The following DCP1A variants were observed in gnomAD, a reference collection of about 807,000 sequenced individuals.
The protein encoded by DCP1A is mRNA-decapping enzyme 1A.
In DCP1A, 20 loss-of-function variants were observed where a neutral mutation model predicts 58.0. The ratio of observed to expected loss-of-function variants is 0.34; its 90% CI spans 0.24 to 0.50. The LOEUF (loss-of-function observed/expected upper bound fraction) is 0.50. Among genes scored for constraint, DCP1A ranks in the 20% least tolerant of loss-of-function variants. The pLI, the probability that DCP1A is intolerant of heterozygous loss-of-function variation, is 0.98. For synonymous variants in DCP1A, 285 were observed against 275.1 expected (o/e 1.04, Z -0.36); for missense variants, 613 against 712.2 (o/e 0.86, Z 1.59).
In DCP1A at chr3:53,347,478, C is replaced by T. The variant is rs1363231091; in HGVS notation, c.40G>A (p.Ala14Thr). 1.2e-6 allele frequency: 2 copies of T among 1,613,448 alleles called. No individual in the cohort carries two copies. Among genetic ancestry groups the T allele is most frequent in the Non-Finnish European group, 1.7e-6 (2 of 1,179,654 alleles). ...TAGGGGTCGTGTTGCTTCAGGGCCG[C>T]TAGGCTCATCTCCTGCCCAGCTCGA... Reference protein sequence around the residue: ...LSRAGQEMSLAALKQHDPYIT... With the variant: ...LSRAGQEMSLTALKQHDPYIT... Residue 14 changes from alanine (A) to threonine (T), a missense_variant, in exon 1 of 10, where the codon GCG (alanine) becomes ACG (threonine). Physicochemically the swap from Ala to Thr is moderately conservative, Grantham distance 58 (BLOSUM62 0). Coordinates refer to ENST00000610213, the MANE Select transcript of DCP1A (RefSeq NM_018403.7).
intron 3 of DCP1A, among the ~76,000 whole-genome samples, chr3:53,331,854 A>G (rs782056351): frequency 1.3e-5 from 2 of 152,228 alleles, no homozygotes; most frequent in African/African-American, 2.4e-5. Context: ...AAGACCTCTG[A>G]CACTGGTCTT....
intron 6 of DCP1A, among the ~76,000 whole-genome samples, chr3:53,298,495 T>C (rs782719936): frequency 1.2e-4 from 18 of 152,220 alleles, no homozygotes; most frequent in Non-Finnish European, 2.6e-4. Flanking sequence ...GGAGGCGATA[T>C]GCTAAGCACT....
At chr3:53,335,476 A>G (rs2089097376) in intron 3 of DCP1A, among the ~76,000 whole-genome samples, 1 of 152,114 alleles carries the variant, frequency 6.6e-6, no homozygotes, top group Non-Finnish European at 1.5e-5. Context: ...AGCTCATTCT[A>G]TTGTTTAAAT....
chr3:53,317,349 C>T (rs1444708186), intron 4 of DCP1A, among the ~76,000 whole-genome samples: 1 of 152,112 alleles, frequency 6.6e-6, no homozygotes, highest in Non-Finnish European at 1.5e-5. Context: ...GTTTTTAGTA[C>T]AGACAGGGTT....
At chr3:53,316,463 A>G (rs1553689255) in intron 4 of DCP1A, among the ~76,000 whole-genome samples, 1 of 151,784 alleles carries the variant, frequency 6.6e-6, no homozygotes, top group African/African-American at 2.4e-5. Flanking sequence ...GGATCTCACT[A>G]TGTTGCCCAG....
chr3:53,288,292 T>C lies in DCP1A; in HGVS notation c.1450-9A>G, dbSNP rs782354513. The C allele has an allele frequency of 1.9e-6, 3 of 1,597,012 alleles. No homozygotes were observed. Among genetic ancestry groups the C allele is most frequent in the African/African-American group, 1.3e-5 (1 of 74,492 alleles). ...AGTGGGGCGCCTGCAACCTGGAGAG[T>C]GACAATGGTCATTTTGTACCGAAGT... On this transcript the variant is annotated splice_polypyrimidine_tract_variant and intron_variant, in intron 8 of 9. Coordinates refer to ENST00000610213, the MANE Select transcript of DCP1A (RefSeq NM_018403.7).
chr3:53,322,449 C>G (rs1309461089), intron 3 of DCP1A, among the ~76,000 whole-genome samples: 1 of 148,406 alleles, frequency 6.7e-6, no homozygotes, highest in Non-Finnish European at 1.5e-5. Context: ...GAAACTCTGT[C>G]TCAGAAAAAA....
At chr3:53,297,259 T>C (rs935592256) in intron 6 of DCP1A, among the ~76,000 whole-genome samples, 1 of 152,226 alleles carries the variant, frequency 6.6e-6, no homozygotes, top group African/African-American at 2.4e-5. Flanking sequence ...TTACCCAGTT[T>C]TGAATTGGGT....
intron 3 of DCP1A, among the ~76,000 whole-genome samples, chr3:53,320,735 G>A (rs1397122391): frequency 6.6e-6 from 1 of 152,124 alleles, no homozygotes; most frequent in Non-Finnish European, 1.5e-5. Context: ...TGGCCACCAG[G>A]ATACCTGGTG....
intron 1 of DCP1A, 95 bp downstream of exon 1, chr3:53,347,286 CCT>C (rs1553693246): frequency 7.3e-7 from 1 of 1,361,010 alleles, no homozygotes; most frequent in African/African-American, 1.5e-5. Flanking sequence ...ACCGCCCTGG[CCT>C]CTTAGTGTGC....
chr3:53,345,103 A>G (rs1048887831), intron 1 of DCP1A, among the ~76,000 whole-genome samples, 161 bp from the exon 2 acceptor site: 2 of 152,170 alleles, frequency 1.3e-5, no homozygotes, highest in African/African-American at 2.4e-5. Flanking sequence ...CTCATTCCAC[A>G]AATTGTGGTT....
At chr3:53,302,887 T>C (rs772996795) in intron 6 of DCP1A, among the ~76,000 whole-genome samples, 7 of 150,340 alleles carry the variant, frequency 4.7e-5, no homozygotes, top group Non-Finnish European at 8.9e-5. Context: ...CCTCCTGAAG[T>C]GCTGGGATTA....
chr3:53,309,369 CAA>C (rs79989110), intron 5 of DCP1A, among the ~76,000 whole-genome samples: 58 of 94,640 alleles, frequency 6.1e-4, no homozygotes, highest in Admixed American at 1.3e-3. Context: ...GACTCCATCT[CAA>C]AAAAAAAAAA....
chr3:53,325,177 C>A (rs1367380775), intron 3 of DCP1A, among the ~76,000 whole-genome samples: 1 of 152,138 alleles, frequency 6.6e-6, no homozygotes, highest in Non-Finnish European at 1.5e-5. Flanking sequence ...CACTGTTTCT[C>A]ATCTTGAGAG....
At chr3:53,321,453 C>T (rs1236115514) in intron 3 of DCP1A, among the ~76,000 whole-genome samples, 1 of 152,238 alleles carries the variant, frequency 6.6e-6, no homozygotes, top group Non-Finnish European at 1.5e-5. Flanking sequence ...GGCATGGTGG[C>T]TCACGCCTGT....
At chr3:53,288,002 A>C (rs1481749534) in intron 9 of DCP1A, 63 bp downstream of exon 9, 83 of 1,457,960 alleles carry the variant, frequency 5.7e-5, no homozygotes, top group Non-Finnish European at 7.4e-5. Flanking sequence ...CTGTAAGAGG[A>C]ATTTATAAAA....
chr3:53,337,611 T>C (rs1461443262), intron 3 of DCP1A, among the ~76,000 whole-genome samples: 1 of 152,356 alleles, frequency 6.6e-6, no homozygotes, highest in Non-Finnish European at 1.5e-5. Context: ...CAAAAGAATG[T>C]TACCATGGCA....
At chr3:53,330,676 C>T (rs1161307903) in intron 3 of DCP1A, among the ~76,000 whole-genome samples, 1 of 151,890 alleles carries the variant, frequency 6.6e-6, no homozygotes, top group Non-Finnish European at 1.5e-5. Context: ...TTTATAAGCG[C>T]ACAGTAGTTT....
intron 6 of DCP1A, among the ~76,000 whole-genome samples, chr3:53,299,955 C>T (rs1362990944): frequency 1.3e-5 from 2 of 152,230 alleles, no homozygotes; most frequent in East Asian, 3.8e-4. Context: ...GCAACCTCCC[C>T]CTCCTGGGTT....
Sources: allele counts gnomAD v4.1 joint callset (sites outside exome capture counted in the v4.1 genomes callset), GRCh38; gene constraint gnomAD v4.1.1; transcripts MANE v1.5; gene names NCBI Gene and HGNC (gene_info 2026-07-23, HGNC 2026-07-21).